The following AMOTL1 variants were observed in gnomAD, a reference collection of about 807,000 sequenced individuals.
AMOTL1 encodes the protein angiomotin-like protein 1.
Under a neutral mutation model 102.9 loss-of-function variants are expected in AMOTL1, and 45 were observed. The ratio of observed to expected loss-of-function variants is 0.44; its 90% CI spans 0.34 to 0.56. The LOEUF (loss-of-function observed/expected upper bound fraction) is 0.56, where lower values mean the gene tolerates loss of function less well. Ranked by LOEUF, AMOTL1 falls within the 20% of genes least tolerant of loss-of-function variation. AMOTL1 has a pLI of 0.01. For synonymous variants in AMOTL1, 481 were observed against 484.7 expected (o/e 0.99, Z 0.10); for missense variants, 1,114 against 1,225.6 (o/e 0.91, Z 1.36).
chr11:94,843,104 G>A (rs1952340857), intron 6 of AMOTL1, among the ~76,000 whole-genome samples: 1 of 152,090 alleles, frequency 6.6e-6, no homozygotes, highest in Non-Finnish European at 1.5e-5. Flanking sequence ...CAAATAACAA[G>A]CCTCCTTACC....
rs528915217 is a variant in AMOTL1, at chr11:94,823,936, G to T, written c.1413+2115G>T. Among the ~76,000 whole-genome samples, 10 of 152,026 alleles carry T rather than the reference G, an allele frequency of 6.6e-5. 1 individual carries two copies. Among genetic ancestry groups the T allele is most frequent in the Non-Finnish European group, 1.3e-4 (9 of 67,974 alleles). ...GGGTTTCACCATGTTGGCCAGGATG[G>T]TTTTGATCTCCTGACCTCGTGATCC... On this transcript the variant is annotated intron_variant, in intron 4 of 12. Transcript: ENST00000433060.
chr11:94,871,789 A>G lies in AMOTL1; in HGVS notation c.*994A>G, dbSNP rs1053322248. On this transcript the variant is annotated 3_prime_UTR_variant, in exon 13 of 13. Coordinates refer to ENST00000433060, the MANE Select transcript of AMOTL1 (RefSeq NM_130847.3). ...TGGCACTTGCTTTTTTGTCTTTCAC[A>G]TCGGCTGTCTTGCAAGGAGCTTGAC... 31 of 152,252 alleles carry G rather than the reference A, an allele frequency of 2.0e-4. No individual in the cohort carries two copies. Among genetic ancestry groups the G allele is most frequent in the African/African-American group, 7.2e-4 (30 of 41,550 alleles). 9.4% of individuals were successfully genotyped at this position (152,252 alleles called of 1,614,324 possible). A position where few individuals can be genotyped will look rare whatever the true frequency, so the allele number is the denominator to read the frequency against.
chr11:94,741,034 C>T (rs753985470), intron 3 of AMOTL1: 48 of 1,273,478 alleles, frequency 3.8e-5, no homozygotes, highest in Non-Finnish European at 4.7e-5. Context: ...GCAATTCTGC[C>T]CGAGAACTGC....
At chr11:94,802,832 C>T (rs1275231539) in intron 3 of AMOTL1, among the ~76,000 whole-genome samples, 1 of 152,180 alleles carries the variant, frequency 6.6e-6, no homozygotes, top group Non-Finnish European at 1.5e-5. Context: ...GGCCTGAACT[C>T]GAAGGATTGG....
At chr11:94,715,943 T>C (rs1950089358) in intron 1 of AMOTL1, among the ~76,000 whole-genome samples, 1 of 152,146 alleles carries the variant, frequency 6.6e-6, no homozygotes, top group African/African-American at 2.4e-5. Flanking sequence ...TTTTGAATAC[T>C]TTTTCAGCAA....
At chr11:94,785,915 A>G (rs1951180327) in intron 1 of AMOTL1, among the ~76,000 whole-genome samples, 1 of 152,196 alleles carries the variant, frequency 6.6e-6, no homozygotes, top group Non-Finnish European at 1.5e-5. Flanking sequence ...GTCTGCATTG[A>G]GTATTACATG....
chr11:94,771,808 T>G (rs893909265), intron 1 of AMOTL1, among the ~76,000 whole-genome samples: 1 of 152,128 alleles, frequency 6.6e-6, no homozygotes, highest in Non-Finnish European at 1.5e-5. Flanking sequence ...GGCTCACACA[T>G]CAGGCATTTT....
At chr11:94,835,369 A>G (rs1433880579) in intron 6 of AMOTL1, among the ~76,000 whole-genome samples, 2 of 152,212 alleles carry the variant, frequency 1.3e-5, no homozygotes, top group Admixed American at 6.5e-5. Context: ...GAGGCAGGTT[A>G]CTGTCTGCTA....
chr11:94,862,921 C>T (rs1400762662), intron 9 of AMOTL1, among the ~76,000 whole-genome samples: 1 of 152,226 alleles, frequency 6.6e-6, no homozygotes, highest in African/African-American at 2.4e-5. Flanking sequence ...CACATTCTCA[C>T]ATATGCCCTC....
intron 9 of AMOTL1, among the ~76,000 whole-genome samples, chr11:94,861,628 A>G (rs913689800): frequency 1.3e-5 from 2 of 152,154 alleles, no homozygotes; most frequent in African/African-American, 4.8e-5. Context: ...TGTCGCTTAC[A>G]TCACATGTGA....
In AMOTL1 at chr11:94,869,328, G is replaced by A. The variant is rs1952945985; in HGVS notation, c.2619G>A (p.Lys873=). 1.9e-6 allele frequency: 3 copies of A among 1,612,650 alleles called. No homozygotes were observed. In the East Asian group the frequency reaches 6.7e-5, roughly 36 times the overall value. The change falls in exon 12 of 13, where the codon AAG becomes AAA. Residue 873 remains lysine (K), a synonymous_variant. Coordinates refer to ENST00000433060, the MANE Select transcript of AMOTL1 (RefSeq NM_130847.3). Reference sequence around the variant, plus strand: ...GTGCCCACGCCAAGACAGGCAGCAAGGACAGCAGCACACAGACTGACAAGA... The same window carrying A: ...GTGCCCACGCCAAGACAGGCAGCAAAGACAGCAGCACACAGACTGACAAGA... The part of the protein sequence containing the change: ...ASSAHAKTGS[K]DSSTQTDKSA...
chr11:94,755,631 A>G (rs7129753), intron 3 of AMOTL1, among the ~76,000 whole-genome samples: 21,204 of 152,124 alleles, frequency 0.14, 3,249 homozygotes, highest in African/African-American at 0.36. Context: ...AGGAGTTCCC[A>G]TATCCCCGTC....
chr11:94,836,748 T>C (rs1275091873), intron 6 of AMOTL1, among the ~76,000 whole-genome samples: 1 of 148,266 alleles, frequency 6.7e-6, no homozygotes, highest in African/African-American at 2.4e-5. Flanking sequence ...TTGCATTCTT[T>C]CTTCCTTCCT....
chr11:94,796,010 C>A (rs2135562962), intron 2 of AMOTL1, among the ~76,000 whole-genome samples: 1 of 152,274 alleles, frequency 6.6e-6, no homozygotes, highest in African/African-American at 2.4e-5. Flanking sequence ...ACCAGTCCAA[C>A]CCACATTGAT....
At chr11:94,718,736 G>A (rs1393751568) in intron 1 of AMOTL1, among the ~76,000 whole-genome samples, 1 of 140,248 alleles carries the variant, frequency 7.1e-6, no homozygotes, top group Non-Finnish European at 1.6e-5. Context: ...AGCCTTGTCT[G>A]GCTTTCTGTT....
chr11:94,753,172 C>A (rs540523739), intron 3 of AMOTL1, among the ~76,000 whole-genome samples: 9 of 152,280 alleles, frequency 5.9e-5, no homozygotes, highest in Non-Finnish European at 1.2e-4. Context: ...GCTACCTCCC[C>A]CTCCACTGGT....
intron 3 of AMOTL1, among the ~76,000 whole-genome samples, chr11:94,805,799 T>G (rs1951558509): frequency 6.6e-6 from 1 of 152,184 alleles, no homozygotes; most frequent in Non-Finnish European, 1.5e-5. Flanking sequence ...ATGGTAGTGT[T>G]TGGCCCAGCC....
intron 7 of AMOTL1, among the ~76,000 whole-genome samples, chr11:94,852,306 T>G (rs1369748208): frequency 6.6e-6 from 1 of 152,256 alleles, no homozygotes; most frequent in Non-Finnish European, 1.5e-5. Context: ...TTCCAGTGGC[T>G]TCAGCTAGGA....
chr11:94,847,587 G>C (rs1952443319), intron 6 of AMOTL1, among the ~76,000 whole-genome samples: 1 of 152,160 alleles, frequency 6.6e-6, no homozygotes, highest in Admixed American at 6.5e-5. Flanking sequence ...AGTTGAGGGA[G>C]CTGAGGCACA....
Sources: allele counts gnomAD v4.1 joint callset (sites outside exome capture counted in the v4.1 genomes callset), GRCh38; gene constraint gnomAD v4.1.1; transcripts MANE v1.5; gene names NCBI Gene and HGNC (gene_info 2026-07-23, HGNC 2026-07-21).